Variants in FBXO9 observed in about 807,000 individuals in gnomAD.
FBXO9 encodes the protein F-box only protein 9.
FBXO9 carries 43 observed loss-of-function variants against 63.7 expected under a neutral mutation model. The observed-to-expected ratio is 0.67, with a 90% confidence interval of 0.53 to 0.87. FBXO9 has a LOEUF of 0.87. Ranked by LOEUF, FBXO9 falls within the 40% of genes least tolerant of loss-of-function variation. The pLI is 0.00. For missense variants in FBXO9, 442 were observed against 533.2 expected (o/e 0.83, Z 1.68); for synonymous variants, 156 against 171.7 (o/e 0.91, Z 0.72).
At chr6:53,078,605 G>A (rs1410050541) in intron 4 of FBXO9, among the ~76,000 whole-genome samples, 194 bp from the exon 5 acceptor site, 1 of 152,196 alleles carries the variant, frequency 6.6e-6, no homozygotes, top group Non-Finnish European at 1.5e-5. Context: ...AACATCTTAA[G>A]TTTAGGGAAA....
In FBXO9 at chr6:53,093,894, A is replaced by C; in HGVS notation, c.969A>C (p.Ala323=). The part of the protein sequence containing the change: ...RLRTRNTRTD[A]ILLGHYRLSQ... ...GTTTTTTTTTTTTAAGGACTGATGC[A>C]ATTCTACTGGGTCACTATCGCTTGT... Residue 323 remains alanine (A), a synonymous_variant, in exon 11 of 13, where the codon GCA becomes GCC. Transcript: ENST00000323557. 6.5e-7 allele frequency: 1 copy of C among 1,545,752 alleles called. No individual in the cohort carries two copies. Among genetic ancestry groups the C allele is most frequent in the Non-Finnish European group, 8.7e-7 (1 of 1,144,740 alleles).
rs1282003598 is a variant in FBXO9, at chr6:53,099,358, A to G, written c.*1528A>G. 6.6e-6 allele frequency: 1 copy of G among 151,812 alleles called. No homozygotes were observed. Among genetic ancestry groups the G allele is most frequent in the Non-Finnish European group, 1.5e-5 (1 of 68,106 alleles). The allele number at this position is 151,812 out of a possible 1,614,324, so 9.4% of individuals were successfully genotyped here. A position where few individuals can be genotyped will look rare whatever the true frequency, so the allele number is the denominator to read the frequency against. On this transcript the variant is annotated 3_prime_UTR_variant, in exon 13 of 13. Coordinates refer to ENST00000323557, the MANE Select transcript of FBXO9 (RefSeq NM_033480.3). ...CAGTGAGCCAAGATCGTGCCATTCC[A>G]CTCCAGCCTGAGCAACACAGTGAGA...
At chr6:53,072,186 A>C (rs907310263) in intron 2 of FBXO9, among the ~76,000 whole-genome samples, 1 of 152,072 alleles carries the variant, frequency 6.6e-6, no homozygotes, top group Non-Finnish European at 1.5e-5. Context: ...TATAGAGAAA[A>C]ATTAATTTAA....
At chr6:53,095,315 G>A (rs1401535873) in intron 11 of FBXO9, among the ~76,000 whole-genome samples, 198 bp from the exon 12 acceptor site, 1 of 151,876 alleles carries the variant, frequency 6.6e-6, no homozygotes, top group African/African-American at 2.4e-5. Flanking sequence ...CTGAGATGAT[G>A]ATGATGGGGA....
intron 11 of FBXO9, among the ~76,000 whole-genome samples, chr6:53,095,035 CATTT>C (rs1221389715): frequency 2.0e-5 from 3 of 152,250 alleles, no homozygotes; most frequent in Non-Finnish European, 4.4e-5. Flanking sequence ...GCTGTTTGCT[CATTT>C]ATTTTACTGT....
chr6:53,092,610 C>G (rs566139117), intron 8 of FBXO9, 63 bp downstream of exon 8: 45 of 1,486,048 alleles, frequency 3.0e-5, no homozygotes, highest in Admixed American at 1.6e-4. Context: ...TTTATAAATA[C>G]GCCGTTTAAA....
At chr6:53,069,810 AAT>A (rs1280158516) in intron 1 of FBXO9, among the ~76,000 whole-genome samples, 1 of 152,152 alleles carries the variant, frequency 6.6e-6, no homozygotes, top group Non-Finnish European at 1.5e-5. Flanking sequence ...CATCTTGAGA[AAT>A]ATGAATACTG....
chr6:53,081,778 T>C (rs756717748), intron 6 of FBXO9, among the ~76,000 whole-genome samples: 4 of 152,174 alleles, frequency 2.6e-5, no homozygotes, highest in African/African-American at 7.2e-5. Flanking sequence ...TAGGAATTAA[T>C]GGATTTTTGT....
At chr6:53,089,117 A>AG (rs1251321116) in intron 7 of FBXO9, among the ~76,000 whole-genome samples, 3 of 146,150 alleles carry the variant, frequency 2.1e-5, no homozygotes, top group Non-Finnish European at 4.5e-5. Context: ...TCTGCCGCCC[A>AG]GGCTGCAGGT....
intron 5 of FBXO9, 136 bp from the exon 6 acceptor site, chr6:53,080,832 T>G: frequency 1.1e-6 from 1 of 879,848 alleles, no homozygotes; most frequent in South Asian, 1.8e-5. Flanking sequence ...TTCATCACAT[T>G]TAAAAATGTA....
intron 2 of FBXO9, among the ~76,000 whole-genome samples, chr6:53,071,858 C>T (rs748397229): frequency 2.6e-5 from 4 of 152,126 alleles, no homozygotes; most frequent in Non-Finnish European, 5.9e-5. Flanking sequence ...AAATATGCAA[C>T]TATAAAGATG....
chr6:53,095,636 A>C lies in FBXO9; in HGVS notation c.1177A>C (p.Ile393Leu). ...GHQRFNKLIWIHHSCHITYKS... is the reference protein window; with the variant it reads ...GHQRFNKLIWLHHSCHITYKS... ...CCAGAGGTTCAACAAACTCATCTGG[A>C]TACATCATTCTTGTCACATTACTTA... The change falls in exon 12 of 13, where the codon ATA becomes CTA. Residue 393 changes from isoleucine (I) to leucine (L), a missense_variant. Ile to Leu is a conservative substitution (Grantham distance 5, BLOSUM62 2). Transcript: ENST00000323557. 1 of 1,612,392 alleles carries C rather than the reference A, an allele frequency of 6.2e-7. No individual in the cohort carries two copies. The highest frequency in any genetic ancestry group is 8.5e-7 in the Non-Finnish European group (1 of 1,179,302).
At chr6:53,079,303 C>T (rs1276252028) in intron 5 of FBXO9, among the ~76,000 whole-genome samples, 1 of 152,096 alleles carries the variant, frequency 6.6e-6, no homozygotes, top group East Asian at 1.9e-4. Flanking sequence ...GAGTTTATTA[C>T]ACTAGTTTCC....
At position 53,097,978 on chromosome 6, in the gene FBXO9, A is replaced by C. The variant is rs1763265836; in HGVS notation, c.*148A>C. The C allele has an allele frequency of 7.3e-6, 1 of 136,806 alleles. No individual in the cohort carries two copies. The highest frequency in any genetic ancestry group is 3.2e-5 in the African/African-American group (1 of 31,212). 8.5% of individuals were successfully genotyped at this position (136,806 alleles called of 1,614,324 possible). On this transcript the variant is annotated 3_prime_UTR_variant, in exon 13 of 13. Transcript: ENST00000323557. ...TATATATATATATATATATATATGG[A>C]ATTGGAACTTATTTTAAATTGTTGG... is the stretch of plus-strand genomic sequence containing the variant.
At chr6:53,080,290 C>T (rs1048211009) in intron 5 of FBXO9, among the ~76,000 whole-genome samples, 4 of 151,284 alleles carry the variant, frequency 2.6e-5, no homozygotes, top group Non-Finnish European at 4.4e-5. Context: ...ACAAAATGCC[C>T]TTCCTGGTTT....
chr6:53,094,016 T>C, intron 11 of FBXO9, 38 bp downstream of exon 11: 1 of 1,315,840 alleles, frequency 7.6e-7, no homozygotes, highest in Non-Finnish European at 1.1e-6. Context: ...TTTCTTATCT[T>C]AATAGCCTAT....
At chr6:53,068,146 T>TA (rs1768774105) in intron 1 of FBXO9, 1 of 152,100 alleles carries the variant, frequency 6.6e-6, no homozygotes, top group Non-Finnish European at 1.5e-5. Context: ...TTGTAAAACT[T>TA]ACCATCTTTG....
intron 7 of FBXO9, among the ~76,000 whole-genome samples, chr6:53,088,847 A>G (rs1378112155): frequency 3.3e-5 from 5 of 150,918 alleles, no homozygotes; most frequent in Admixed American, 6.6e-5. Flanking sequence ...TGATCCGCCC[A>G]CCTCAGTCTC....
At chr6:53,068,523 TAA>T (rs1000833318) in intron 1 of FBXO9, among the ~76,000 whole-genome samples, 1 of 152,114 alleles carries the variant, frequency 6.6e-6, no homozygotes, top group African/African-American at 2.4e-5. Context: ...CATTTACTAT[TAA>T]AAGTCTTTGA....
Sources: allele counts gnomAD v4.1 joint callset (sites outside exome capture counted in the v4.1 genomes callset), GRCh38; gene constraint gnomAD v4.1.1; transcripts MANE v1.5; gene names NCBI Gene and HGNC (gene_info 2026-07-23, HGNC 2026-07-21).